DPF3: variants seen among roughly 807,000 people sequenced by gnomAD.
DPF3 encodes double PHD fingers 3, also known as zinc finger protein DPF3.
DPF3 carries 18 observed loss-of-function variants against 56.8 expected under a neutral mutation model. The observed-to-expected ratio is 0.32, with a 90% CI of 0.22 to 0.47. DPF3 has a LOEUF of 0.47. Among genes scored for constraint, DPF3 ranks in the 20% least tolerant of loss-of-function variants. The pLI, the probability that DPF3 is intolerant of heterozygous loss-of-function variation, is 1.00. For synonymous variants in DPF3, 188 were observed against 180.2 expected, an observed-to-expected ratio of 1.04 and a Z score of -0.35; for missense variants, 403 against 488.8, an observed-to-expected ratio of 0.82 and a Z score of 1.65.
chr14:72,876,051 A>C (rs1302606900), intron 1 of DPF3, among the ~76,000 whole-genome samples: 10 of 152,232 alleles, frequency 6.6e-5, no homozygotes, highest in Admixed American at 6.5e-4. Context: ...AAGAAGAAGA[A>C]GAAGAGGAGG....
rs1885431175 is a variant in DPF3, at chr14:72,861,756, A to AAAGAAAGG, written c.32+32300_32+32301insCCTTTCTT. ...AAGAAAGAGAAAGAAAGAAAGAAAGAAAGAAAGAAAGAAAGAAAGAAAGAA... is the reference window on the plus strand; with the variant it reads ...AAGAAAGAGAAAGAAAGAAAGAAAGAAAGAAAGGAAGAAAGAAAGAAAGAAAGAAAGAA... On this transcript the variant is annotated intron_variant, in intron 1 of 10. Coordinates refer to ENST00000556509, the MANE Select transcript of DPF3 (RefSeq NM_001280542.3). Among the ~76,000 whole-genome samples the AAAGAAAGG allele has an allele frequency of 2.7e-5, 4 of 146,622 alleles. No homozygotes were observed. In the East Asian group the frequency reaches 7.9e-4, roughly 29 times the overall value.
intron 6 of DPF3, among the ~76,000 whole-genome samples, chr14:72,698,465 G>A (rs987177784): frequency 2.0e-5 from 3 of 152,148 alleles, no homozygotes; most frequent in Non-Finnish European, 4.4e-5. Context: ...GATCCCTTGT[G>A]CCCAGGAGTT....
chr14:72,729,627 C>G (rs1889552271), intron 4 of DPF3, among the ~76,000 whole-genome samples: 1 of 152,144 alleles, frequency 6.6e-6, no homozygotes, highest in Admixed American at 6.5e-5. Flanking sequence ...CATGAAAAGA[C>G]ATGAAGGAAC....
intron 6 of DPF3, among the ~76,000 whole-genome samples, chr14:72,704,259 G>A (rs1888311104): frequency 6.6e-6 from 1 of 152,176 alleles, no homozygotes; most frequent in South Asian, 2.1e-4. Flanking sequence ...AATTAAGAGT[G>A]AAACTGAATT....
intron 1 of DPF3, among the ~76,000 whole-genome samples, chr14:72,792,857 G>A (rs1181646213): frequency 6.6e-6 from 1 of 151,660 alleles, no homozygotes; most frequent in Non-Finnish European, 1.5e-5. Context: ...TTCTCCAGGG[G>A]AATGGCTCCC....
intron 1 of DPF3, among the ~76,000 whole-genome samples, chr14:72,845,099 T>TGTCTCTAAAAAGAA (rs1158300728): frequency 1.3e-5 from 2 of 152,154 alleles, no homozygotes; most frequent in Non-Finnish European, 2.9e-5. Flanking sequence ...AGAAAGACCT[T>TGTCTCTAAAAAGAA]GTCTCTAAAA....
intron 1 of DPF3, among the ~76,000 whole-genome samples, chr14:72,803,820 C>G (rs1892982900): frequency 1.3e-5 from 2 of 152,166 alleles, no homozygotes; most frequent in Non-Finnish European, 2.9e-5. Flanking sequence ...CTTTGTAACG[C>G]AAAAGGCTCT....
intron 1 of DPF3, among the ~76,000 whole-genome samples, chr14:72,875,080 C>A (rs893441725): frequency 1.4e-4 from 22 of 152,280 alleles, no homozygotes; most frequent in Non-Finnish European, 2.9e-5. Flanking sequence ...GATAAACCCA[C>A]CAGATCTTGT....
intron 9 of DPF3, 79 bp downstream of exon 9, chr14:72,629,545 G>GTCCT: frequency 7.3e-7 from 1 of 1,361,686 alleles, no homozygotes; most frequent in South Asian, 1.3e-5. Context: ...AGTGACAAGA[G>GTCCT]TCCTTCCTTC....
intron 1 of DPF3, among the ~76,000 whole-genome samples, chr14:72,873,008 A>G (rs1050967847): frequency 1.9e-4 from 29 of 152,374 alleles, no homozygotes; most frequent in African/African-American, 6.7e-4. Context: ...GGACATAGGC[A>G]TAGGCAAGGA....
intron 3 of DPF3, among the ~76,000 whole-genome samples, chr14:72,752,014 T>G (rs1269182041): frequency 1.3e-5 from 2 of 152,172 alleles, no homozygotes; most frequent in African/African-American, 4.8e-5. Context: ...AAACTTCTAT[T>G]TAAGTGAAAT....
chr14:72,858,177 A>G (rs1885243003), intron 1 of DPF3, among the ~76,000 whole-genome samples: 1 of 151,998 alleles, frequency 6.6e-6, no homozygotes, highest in Non-Finnish European at 1.5e-5. Flanking sequence ...GTATGGTGGC[A>G]TACACATGTG....
chr14:72,688,024 G>C (rs1428052748), intron 7 of DPF3, among the ~76,000 whole-genome samples: 1 of 151,662 alleles, frequency 6.6e-6, no homozygotes, highest in Non-Finnish European at 1.5e-5. Flanking sequence ...TCCCACTCAA[G>C]ACTGTGAGCT....
At chr14:72,670,495 A>C in intron 8 of DPF3, 1 of 985,836 alleles carries the variant, frequency 1.0e-6, no homozygotes, top group Non-Finnish European at 1.2e-6. Context: ...GTCAGGGAGG[A>C]GAATGAGGGA....
At chr14:72,724,115 T>A (rs940039750) in intron 4 of DPF3, 1 of 170,320 alleles carries the variant, frequency 5.9e-6, no homozygotes, top group African/African-American at 2.4e-5. Context: ...TGAAAATGTT[T>A]CTCCTTTCCC....
At chr14:72,861,805 A>AAGAAAGAAAGAAAGAC (rs1885450359) in intron 1 of DPF3, among the ~76,000 whole-genome samples, 4 of 151,836 alleles carry the variant, frequency 2.6e-5, no homozygotes, top group African/African-American at 9.7e-5. Flanking sequence ...GAAAGAAAGA[A>AAGAAAGAAAGAAAGAC]GGAAAGAATT....
Position 72,690,849 on chromosome 14 carries a change from G to A in DPF3, c.742+2227C>T, listed in dbSNP as rs547976388. Among the ~76,000 whole-genome samples the A allele has an allele frequency of 4.1e-4, 63 of 152,306 alleles. 1 individual carries two copies. The highest frequency in any genetic ancestry group is 1.3e-3 in the African/African-American group (56 of 41,550). The stretch of plus-strand genomic sequence containing the variant: ...CAAGCTAATAAACACTTTAGAGAGC[G>A]CGACAATGGCGAAGAAACACTTTTC... On this transcript the variant is annotated intron_variant, in intron 7 of 10. Coordinates refer to ENST00000556509, the MANE Select transcript of DPF3 (RefSeq NM_001280542.3).
chr14:72,662,553 G>T (rs2153569404), intron 8 of DPF3: 1 of 984,936 alleles, frequency 1.0e-6, no homozygotes, highest in African/African-American at 1.7e-5. Flanking sequence ...GACAATCAAA[G>T]AAAATATAAT....
intron 1 of DPF3, among the ~76,000 whole-genome samples, chr14:72,893,647 G>A (rs1462546714): frequency 6.6e-6 from 1 of 151,862 alleles, no homozygotes; most frequent in African/African-American, 2.4e-5. Context: ...ACACCGAGGC[G>A]GCCACTGCCC....
Sources: gnomAD v4.1 joint callset for allele counts (sites outside exome capture counted in the v4.1 genomes callset) on GRCh38, gnomAD v4.1.1 for gene constraint, MANE v1.5 for transcripts, NCBI Gene and HGNC (gene_info 2026-07-23, HGNC 2026-07-21) for gene names.